The following PLD5 variants were observed in gnomAD, a reference collection of about 807,000 sequenced individuals.
The protein encoded by PLD5 is inactive phospholipase D5.
Under a neutral mutation model 61.1 loss-of-function variants are expected in PLD5, and 36 were observed. The observed-to-expected ratio is 0.59, with a 90% CI of 0.45 to 0.78. The LOEUF is 0.78. PLD5 is among the 30% of genes least tolerant of loss of function. The pLI, the probability that PLD5 is intolerant of heterozygous loss-of-function variation, is 0.00. For missense variants in PLD5, 515 were observed against 644.4 expected, an observed-to-expected ratio of 0.80 and a Z score of 2.17; for synonymous variants, 243 against 242.8, an observed-to-expected ratio of 1.00 and a Z score of -0.01.
intron 2 of PLD5, among the ~76,000 whole-genome samples, chr1:242,338,188 G>C (rs1024872063): frequency 2.0e-5 from 3 of 152,080 alleles, no homozygotes; most frequent in Admixed American, 6.5e-5. Context: ...CTAATTACAG[G>C]TCTATAACCA....
intron 1 of PLD5, among the ~76,000 whole-genome samples, chr1:242,407,806 T>C (rs1664327148): frequency 6.6e-6 from 1 of 152,102 alleles, no homozygotes; most frequent in Non-Finnish European, 1.5e-5. Flanking sequence ...CTCAAACTCC[T>C]GACCTCATGA....
chr1:242,265,792 C>T (rs929105143), intron 3 of PLD5, among the ~76,000 whole-genome samples: 5 of 152,128 alleles, frequency 3.3e-5, no homozygotes, highest in African/African-American at 1.2e-4. Flanking sequence ...GTGTTTTGGC[C>T]CAAAGAGACC....
At chr1:242,482,650 G>A (rs1371260543) in intron 1 of PLD5, among the ~76,000 whole-genome samples, 4 of 152,324 alleles carry the variant, frequency 2.6e-5, no homozygotes, top group South Asian at 2.1e-4. Context: ...TATTATCCAG[G>A]AGAACTTCCC....
intron 2 of PLD5, among the ~76,000 whole-genome samples, chr1:242,305,990 G>T (rs1007379352): frequency 2.0e-5 from 3 of 152,172 alleles, no homozygotes; most frequent in African/African-American, 7.2e-5. Context: ...AAGGACCAAA[G>T]GACCCGCCAC....
At chr1:242,372,701 C>G (rs1661705386) in intron 1 of PLD5, among the ~76,000 whole-genome samples, 1 of 152,084 alleles carries the variant, frequency 6.6e-6, no homozygotes, top group African/African-American at 2.4e-5. Flanking sequence ...GAAAGGATTC[C>G]CGATTTAATA....
chr1:242,253,138 G>A (rs1419588826), intron 4 of PLD5, among the ~76,000 whole-genome samples: 3 of 38,716 alleles, frequency 7.7e-5, no homozygotes, highest in Non-Finnish European at 1.4e-4. Flanking sequence ...TTTTTTTTTT[G>A]AGGCAGGGTC....
At chr1:242,290,511 T>C (rs578102593) in intron 2 of PLD5, among the ~76,000 whole-genome samples, 3 of 152,156 alleles carry the variant, frequency 2.0e-5, no homozygotes, top group Non-Finnish European at 2.9e-5. Flanking sequence ...GGAGAAGAGT[T>C]TGGACTTAAT....
intron 3 of PLD5, among the ~76,000 whole-genome samples, chr1:242,286,571 T>G (rs1366034807): frequency 3.9e-5 from 6 of 152,130 alleles, no homozygotes; most frequent in Non-Finnish European, 7.4e-5. Flanking sequence ...CCCTTCTATA[T>G]CTCCTAGTGA....
rs1279656297 is a variant in PLD5 at position 242,308,362 on chromosome 1, C to T, written c.327-19832G>A. ...AACTAGGAGTCTCAGGAACTTGAAA[C>T]CAGGCCGAAGTCTGTCTGCTACTCA... On this transcript the variant is annotated intron_variant, in intron 2 of 9. Coordinates refer to ENST00000536534, the MANE Select transcript of PLD5 (RefSeq NM_001372062.1). Among the ~76,000 whole-genome samples the T allele has an allele frequency of 2.6e-5, 4 of 152,258 alleles. No individual in the cohort carries two copies. In the East Asian group the frequency reaches 7.7e-4, roughly 29 times the overall value.
In PLD5 at chr1:242,268,464, G is replaced by A. The variant is rs1299993393; in HGVS notation, c.496-3016C>T. Among the ~76,000 whole-genome samples the A allele has an allele frequency of 2.6e-5, 4 of 152,136 alleles. No individual in the cohort carries two copies. The East Asian group carries it at 7.7e-4, about 29-fold the overall frequency. ...TGTGACTTAAATTGATTTCCACTGT[G>A]TTATTTTTGTGGGACTTAAAGACAA... On this transcript the variant is annotated intron_variant, in intron 3 of 9. Transcript: ENST00000536534.
intron 3 of PLD5, among the ~76,000 whole-genome samples, chr1:242,282,584 C>A (rs756920321): frequency 6.6e-6 from 1 of 152,188 alleles, no homozygotes; most frequent in Non-Finnish European, 1.5e-5. Context: ...TAATTGATTT[C>A]ACATAAATAC....
At chr1:242,388,365 T>A (rs1662721320) in intron 1 of PLD5, among the ~76,000 whole-genome samples, 1 of 152,132 alleles carries the variant, frequency 6.6e-6, no homozygotes, top group Non-Finnish European at 1.5e-5. Context: ...GCTCTGACAT[T>A]TTCCCCTAGC....
At chr1:242,315,594 T>C (rs774348424) in intron 2 of PLD5, among the ~76,000 whole-genome samples, 4 of 152,278 alleles carry the variant, frequency 2.6e-5, no homozygotes, top group East Asian at 1.9e-4. Context: ...CCAGTGGGTA[T>C]TGAGATCCTC....
chr1:242,231,105 T>C (rs1671270255), intron 4 of PLD5, among the ~76,000 whole-genome samples: 2 of 152,230 alleles, frequency 1.3e-5, no homozygotes, highest in East Asian at 1.9e-4. Context: ...TTAAACATTC[T>C]ACACTTAAAA....
At chr1:242,158,764 G>C (rs138720333) in intron 5 of PLD5, among the ~76,000 whole-genome samples, 1 of 152,054 alleles carries the variant, frequency 6.6e-6, no homozygotes, top group Non-Finnish European at 1.5e-5. Flanking sequence ...CTATTCAGCC[G>C]TCTTGCCATC....
intron 1 of PLD5, among the ~76,000 whole-genome samples, chr1:242,398,173 A>G (rs1190527920): frequency 6.6e-6 from 1 of 152,230 alleles, no homozygotes; most frequent in Non-Finnish European, 1.5e-5. Flanking sequence ...AGAACTTACT[A>G]TGTGTTTATA....
At chr1:242,448,065 CCTGA>C (rs1182098458) in intron 1 of PLD5, among the ~76,000 whole-genome samples, 20 of 152,202 alleles carry the variant, frequency 1.3e-4, no homozygotes, top group African/African-American at 3.1e-4. Flanking sequence ...TTTTACCCAT[CCTGA>C]CTAAGGAGAA....
chr1:242,362,723 C>G (rs1293427704), intron 1 of PLD5, among the ~76,000 whole-genome samples: 1 of 152,020 alleles, frequency 6.6e-6, no homozygotes, highest in Non-Finnish European at 1.5e-5. Flanking sequence ...CTCTAAAATC[C>G]TTATAATAGA....
intron 4 of PLD5, among the ~76,000 whole-genome samples, chr1:242,253,115 CTTTTT>C (rs35097685): frequency 5.5e-5 from 4 of 73,194 alleles, no homozygotes; most frequent in Non-Finnish European, 1.1e-4. Context: ...GTGTATGGCC[CTTTTT>C]TTTTTTTTTT....
Sources: gnomAD v4.1 joint callset for allele counts (sites outside exome capture counted in the v4.1 genomes callset) on GRCh38, gnomAD v4.1.1 for gene constraint, MANE v1.5 for transcripts, NCBI Gene and HGNC (gene_info 2026-07-23, HGNC 2026-07-21) for gene names.